Variants in PRKN observed in about 807,000 individuals in gnomAD.
PRKN encodes the protein E3 ubiquitin-protein ligase parkin.
A neutral mutation model predicts 59.5 loss-of-function variants in PRKN; 56 were observed. The observed-to-expected ratio is 0.94, with a 90% CI of 0.76 to 1.18. The LOEUF (loss-of-function observed/expected upper bound fraction) is 1.18, where lower values mean the gene tolerates loss of function less well. Ranked by LOEUF, PRKN falls within the 50% of genes most tolerant of loss-of-function variation. The pLI, the probability that PRKN is intolerant of heterozygous loss-of-function variation, is 0.00. For missense variants in PRKN, 657 were observed against 596.4 expected, an observed-to-expected ratio of 1.10 and a Z score of -1.06; for synonymous variants, 250 against 222.1, an observed-to-expected ratio of 1.13 and a Z score of -1.12.
At chr6:162,015,535 A>G (rs906699918) in intron 5 of PRKN, among the ~76,000 whole-genome samples, 1 of 152,126 alleles carries the variant, frequency 6.6e-6, no homozygotes, top group Admixed American at 6.6e-5. Flanking sequence ...TGGCATTTGT[A>G]AGCTGGAGAT....
Position 161,588,121 on chromosome 6 carries a change from C to T in PRKN, c.872-18705G>A, listed in dbSNP as rs1781585375. Among the ~76,000 whole-genome samples the T allele has an allele frequency of 6.6e-6, 1 of 152,134 alleles. No homozygotes were observed. Among genetic ancestry groups the T allele is most frequent in the Non-Finnish European group, 1.5e-5 (1 of 68,016 alleles). ...CTATGGGGGGCTGGGCGCGGTGGCT[C>T]ATGCCTGTAATCCCAGCACTTTGGG... On this transcript the variant is annotated intron_variant, in intron 7 of 11. Transcript: ENST00000366898. This position sits in a 1 kb window ranked among gnomAD's most constrained non-coding sequence, Gnocchi z 5.0.
At chr6:162,727,502 A>C (rs1198902089) in intron 1 of PRKN, among the ~76,000 whole-genome samples, 160 bp downstream of exon 1, 1 of 150,320 alleles carries the variant, frequency 6.7e-6, no homozygotes, top group African/African-American at 2.4e-5. Flanking sequence ...CGCGTCGCTG[A>C]GCTGGGGAGC....
chr6:161,593,550 G>T lies in PRKN; in HGVS notation c.872-24134C>A, dbSNP rs1430276590. On this transcript the variant is annotated intron_variant, in intron 7 of 11. Transcript: ENST00000366898. This position sits in a 1 kb window ranked among gnomAD's most constrained non-coding sequence, Gnocchi z 4.8. Reference sequence around the variant, plus strand: ...TCAGGTGGGAGGTGATGGCACCTGGGGGCTGGAAGGTGAGGCCAGCAGGTC... The same window carrying T: ...TCAGGTGGGAGGTGATGGCACCTGGTGGCTGGAAGGTGAGGCCAGCAGGTC... Among the ~76,000 whole-genome samples, 2 of 152,126 alleles carry T rather than the reference G, an allele frequency of 1.3e-5. No individual in the cohort carries two copies. The highest frequency in any genetic ancestry group is 2.9e-5 in the Non-Finnish European group (2 of 68,018).
At chr6:161,517,818 A>C (rs777387131) in intron 9 of PRKN, among the ~76,000 whole-genome samples, 3 of 150,988 alleles carry the variant, frequency 2.0e-5, no homozygotes, top group Non-Finnish European at 4.4e-5. Context: ...AGCTATACGC[A>C]TACACTGTAG....
rs5881458 is a variant in PRKN, at chr6:162,176,929, C to CTTTTTTTTTTT, written c.534+24191_534+24201dup. Among the ~76,000 whole-genome samples the CTTTTTTTTTTT allele has an allele frequency of 1.4e-5, 2 of 145,670 alleles. 1 individual carries two copies. ...TCAGACTCTGAACACAATGAAATTCCTTTTTTTTTTTTTTGGGAAAAGGAG... is the reference window on the plus strand; with the variant it reads ...TCAGACTCTGAACACAATGAAATTCCTTTTTTTTTTTTTTTTTTTTTTTTTGGGAAAAGGAG... On this transcript the variant is annotated intron_variant, in intron 4 of 11. Transcript: ENST00000366898.
At chr6:161,589,149 G>A (rs1420798923) in intron 7 of PRKN, among the ~76,000 whole-genome samples, 2 of 152,300 alleles carry the variant, frequency 1.3e-5, no homozygotes, top group East Asian at 3.9e-4. Flanking sequence ...CAAGAAACCT[G>A]CTGAAATACA....
At chr6:162,427,803 G>C (rs748967737) in intron 2 of PRKN, among the ~76,000 whole-genome samples, 4 of 151,842 alleles carry the variant, frequency 2.6e-5, no homozygotes, top group Admixed American at 6.6e-5. Flanking sequence ...CCCAGACCAC[G>C]CCCAGCTAAT....
At chr6:162,673,352 C>T (rs1160812262) in intron 1 of PRKN, among the ~76,000 whole-genome samples, 2 of 152,068 alleles carry the variant, frequency 1.3e-5, no homozygotes, top group Admixed American at 6.6e-5. Flanking sequence ...TTGTAACTTA[C>T]ACTCACTCAC....
In PRKN at chr6:162,322,761, T is replaced by C. The variant is rs539490526; in HGVS notation, c.172-59996A>G. Among the ~76,000 whole-genome samples, 66 of 152,076 alleles carry C rather than the reference T, an allele frequency of 4.3e-4. 1 individual carries two copies. The South Asian group carries it at 0.014, about 31-fold the overall frequency. ...TATGAACTATGGTCTATATCTTGCA[T>C]CTCTTGCACCATATATAAAAATGAA... On this transcript the variant is annotated intron_variant, in intron 2 of 11. Coordinates refer to ENST00000366898, the MANE Select transcript of PRKN (RefSeq NM_004562.3).
At chr6:162,419,739 G>C (rs1788852905) in intron 2 of PRKN, among the ~76,000 whole-genome samples, 1 of 151,250 alleles carries the variant, frequency 6.6e-6, no homozygotes. Context: ...TATAATGACA[G>C]AGAGAGAGAG....
intron 7 of PRKN, among the ~76,000 whole-genome samples, chr6:161,628,087 A>G (rs1783158527): frequency 6.6e-6 from 1 of 152,228 alleles, no homozygotes; most frequent in South Asian, 2.1e-4. Context: ...AGTATACAAT[A>G]CTTCTAAATA....
chr6:162,285,664 A>G (rs1358617090), intron 2 of PRKN, among the ~76,000 whole-genome samples: 1 of 152,176 alleles, frequency 6.6e-6, no homozygotes, highest in African/African-American at 2.4e-5. Context: ...ACACTGATAA[A>G]TAAGTATTGT....
chr6:161,795,505 T>G (rs1239292159), intron 6 of PRKN, among the ~76,000 whole-genome samples: 1 of 152,180 alleles, frequency 6.6e-6, no homozygotes. Flanking sequence ...GTGCTGGGAT[T>G]ACAGGTGTGA....
rs542501047 is a variant in PRKN at position 162,005,759 on chromosome 6, C to A, written c.619-32342G>T. Among the ~76,000 whole-genome samples, 123 of 152,180 alleles carry A rather than the reference C, an allele frequency of 8.1e-4. 7 individuals carry two copies. In the South Asian group the frequency reaches 0.026, roughly 32 times the overall value. ...AACTGCAGGGTCTTTGCTAATATAT[C>A]AAATCTAACCTTTTTTGGGGGGAAA... is the stretch of plus-strand genomic sequence containing the variant. On this transcript the variant is annotated intron_variant, in intron 5 of 11. Transcript: ENST00000366898.
rs546088756 is a variant in PRKN at position 162,056,869 on chromosome 6, C to T, written c.535-2695G>A. Among the ~76,000 whole-genome samples, 4 of 152,318 alleles carry T rather than the reference C, an allele frequency of 2.6e-5. No individual in the cohort carries two copies. Among genetic ancestry groups the T allele is most frequent in the Admixed American group, 6.5e-5 (1 of 15,308 alleles). On this transcript the variant is annotated intron_variant, in intron 4 of 11. Transcript: ENST00000366898. The surrounding 1 kb of genome is among the most constrained non-coding windows in gnomAD (Gnocchi z 4.9). ...TTCCTGGCAGACAACACTTCACACG[C>T]GTTGTCACAACTGAGTGCCTCTCGA...
chr6:162,543,896 G>A (rs73591881), intron 1 of PRKN, among the ~76,000 whole-genome samples: 3,530 of 152,252 alleles, frequency 0.023, 161 homozygotes, highest in African/African-American at 0.079. Flanking sequence ...GAAGAGAGCC[G>A]TCCTAGGCCC....
At chr6:162,397,970 G>C (rs923266038) in intron 2 of PRKN, among the ~76,000 whole-genome samples, 1 of 150,274 alleles carries the variant, frequency 6.7e-6, no homozygotes, top group Admixed American at 6.6e-5. Context: ...CTAGTACCTG[G>C]ACGTTGCAGT....
intron 2 of PRKN, among the ~76,000 whole-genome samples, chr6:162,272,100 G>C (rs1038645438): frequency 3.3e-5 from 5 of 152,104 alleles, no homozygotes; most frequent in Non-Finnish European, 7.3e-5. Flanking sequence ...CACCAGAGGG[G>C]CTCCATAGGG....
chr6:162,564,348 A>G (rs56139936), intron 1 of PRKN, among the ~76,000 whole-genome samples: 1 of 149,834 alleles, frequency 6.7e-6, no homozygotes, highest in South Asian at 2.1e-4. Context: ...CATCTCAAAA[A>G]AAAAAGAACA....
Sources: gnomAD v4.1 joint callset for allele counts (sites outside exome capture counted in the v4.1 genomes callset) on GRCh38, gnomAD v4.1.1 for gene constraint, Gnocchi (gnomAD v3.1) non-coding constraint, MANE v1.5 for transcripts, NCBI Gene and HGNC (gene_info 2026-07-23, HGNC 2026-07-21) for gene names.